The following CCDC171 variants were observed in gnomAD, a reference collection of about 807,000 sequenced individuals.
CCDC171 encodes coiled-coil domain containing 171.
A neutral mutation model predicts 168.2 loss-of-function variants in CCDC171; 177 were observed. The observed-to-expected ratio is 1.05, with a 90% CI of 0.93 to 1.19. CCDC171 has a LOEUF of 1.19. Ranked by LOEUF, CCDC171 falls within the 50% of genes most tolerant of loss-of-function variation. The probability of loss-of-function intolerance (pLI) is 0.00; values close to 1 mark genes in which losing one functional copy is unlikely to be tolerated. For synonymous variants in CCDC171, 687 were observed against 540.8 expected (o/e 1.27, Z -3.75); for missense variants, 1,991 against 1,539.0 (o/e 1.29, Z -4.91).
At chr9:16,027,330 G>T (rs1364751587) in intron 6 of CCDC171, among the ~76,000 whole-genome samples, 1 of 152,030 alleles carries the variant, frequency 6.6e-6, no homozygotes, top group East Asian at 1.9e-4. Flanking sequence ...GAAAGAGACT[G>T]ACTGACTGAA....
rs199698512 is a variant in CCDC171, at chr9:15,788,962, A to AATAAATGCACTGCATTTATTGC, written c.3267+4279_3267+4300dup. On this transcript the variant is annotated intron_variant, in intron 21 of 25. Coordinates refer to ENST00000380701, the MANE Select transcript of CCDC171 (RefSeq NM_173550.4). The stretch of plus-strand genomic sequence containing the variant: ...AAATCTTGGATTAGACATTCCCTGC[A>AATAAATGCACTGCATTTATTGC]ATAAATGCACTGCATTTATTGCATA... Among the ~76,000 whole-genome samples the AATAAATGCACTGCATTTATTGC allele has an allele frequency of 1.6e-3, 246 of 152,256 alleles. 1 individual carries two copies. The highest frequency in any genetic ancestry group is 3.4e-3 in the Middle Eastern group (1 of 294).
chr9:16,004,050 TC>T (rs1832631002), intron 3 of CCDC171, among the ~76,000 whole-genome samples: 2 of 152,048 alleles, frequency 1.3e-5, no homozygotes, highest in African/African-American at 4.8e-5. Context: ...AGAAATCAAT[TC>T]AACACTAATG....
chr9:15,558,895 C>G (rs2039036718), intron 1 of CCDC171, among the ~76,000 whole-genome samples: 1 of 152,164 alleles, frequency 6.6e-6, no homozygotes, highest in African/African-American at 2.4e-5. Flanking sequence ...CCTCTACACA[C>G]TGCTTTGAAT....
chr9:15,639,025 A>G (rs1385520203), intron 7 of CCDC171, among the ~76,000 whole-genome samples: 6 of 152,184 alleles, frequency 3.9e-5, no homozygotes, highest in Non-Finnish European at 8.8e-5. Flanking sequence ...TAAATTCTGA[A>G]TTGCTTCTGT....
chr9:15,655,458 C>T (rs556020101), intron 7 of CCDC171, among the ~76,000 whole-genome samples: 12 of 152,142 alleles, frequency 7.9e-5, no homozygotes, highest in Non-Finnish European at 1.5e-4. Flanking sequence ...TCCGCTACTT[C>T]CCAGGGGTGC....
the CCDC171 span, among the ~76,000 whole-genome samples, chr9:16,079,813 A>T: frequency 6.6e-6 from 1 of 152,214 alleles, no homozygotes; most frequent in Admixed American, 6.5e-5. Flanking sequence ...AGACTTACAC[A>T]ATGCTTACAA....
Position 15,728,001 on chromosome 9 carries a change from G to C in CCDC171, c.1825G>C (p.Ala609Pro), listed in dbSNP as rs762461230. 1 of 1,612,892 alleles carries C rather than the reference G, an allele frequency of 6.2e-7. No individual in the cohort carries two copies. Among genetic ancestry groups the C allele is most frequent in the East Asian group, 2.2e-5 (1 of 44,852 alleles). The change falls in exon 15 of 26, where the codon GCC (alanine) becomes CCC (proline). Residue 609 changes from alanine (A) to proline (P), a missense_variant. Coordinates refer to ENST00000380701, the MANE Select transcript of CCDC171 (RefSeq NM_173550.4). Reference protein sequence around the residue: ...LCAVLQENVDALIADLNRANE... With the variant: ...LCAVLQENVDPLIADLNRANE... ...TGCAGTCTTACAGGAGAATGTTGAT[G>C]CCCTGATTGCAGACCTCAACAGGGC...
chr9:15,769,948 T>C (rs2056926626), intron 18 of CCDC171, among the ~76,000 whole-genome samples: 1 of 152,200 alleles, frequency 6.6e-6, no homozygotes, highest in African/African-American at 2.4e-5. Context: ...TCATAGTTCT[T>C]TCCTTTCCAA....
chr9:16,078,362 G>T, the CCDC171 span, among the ~76,000 whole-genome samples: 692 of 152,252 alleles, frequency 4.5e-3, 4 homozygotes, highest in African/African-American at 0.016. Flanking sequence ...GACAAGCAGG[G>T]AAACAGCATT....
intron 23 of CCDC171, among the ~76,000 whole-genome samples, chr9:15,859,234 A>C (rs1484257399): frequency 6.6e-6 from 1 of 152,034 alleles, no homozygotes; most frequent in African/African-American, 2.4e-5. Flanking sequence ...CCAGGGATAA[A>C]TCCCACTTTG....
chr9:15,867,902 TCTATAGTATATAGC>T (rs2061858745), intron 23 of CCDC171, among the ~76,000 whole-genome samples: 1 of 152,076 alleles, frequency 6.6e-6, no homozygotes, highest in Non-Finnish European at 1.5e-5. Flanking sequence ...TGAGGTGCAT[TCTATAGTATATAGC>T]CTATGCTACA....
intron 23 of CCDC171, among the ~76,000 whole-genome samples, chr9:15,868,249 C>T (rs770387599): frequency 4.1e-4 from 63 of 152,130 alleles, no homozygotes; most frequent in Middle Eastern, 3.4e-3. Context: ...GCTTACCTCC[C>T]ACTTTTCAAA....
intron 8 of CCDC171, among the ~76,000 whole-genome samples, chr9:15,659,945 G>T (rs546294221): frequency 1.3e-5 from 2 of 152,026 alleles, no homozygotes; most frequent in African/African-American, 2.4e-5. Context: ...TACATCAAAG[G>T]CTACTTATAT....
intron 25 of CCDC171, among the ~76,000 whole-genome samples, chr9:15,929,596 C>A (rs969521009): frequency 6.6e-6 from 1 of 151,796 alleles, no homozygotes; most frequent in Non-Finnish European, 1.5e-5. Flanking sequence ...CTTACTGTTT[C>A]TACCACCACA....
intron 16 of CCDC171, among the ~76,000 whole-genome samples, chr9:15,733,969 C>G (rs546257703): frequency 6.6e-6 from 1 of 152,162 alleles, no homozygotes; most frequent in South Asian, 2.1e-4. Context: ...GAGATGAGGT[C>G]TCACTATGTT....
At chr9:15,944,870 TTC>T (rs1828150942) in intron 25 of CCDC171, among the ~76,000 whole-genome samples, 1 of 151,314 alleles carries the variant, frequency 6.6e-6, no homozygotes, top group African/African-American at 2.4e-5. Flanking sequence ...CTTTCTTTCT[TTC>T]TTTCTTTCTT....
chr9:15,653,395 G>C lies in CCDC171; in HGVS notation c.823-3732G>C, dbSNP rs114698315. 6.8e-3 allele frequency among the ~76,000 whole-genome samples: 1,037 copies of C among 152,166 alleles called. 7 individuals are homozygous for C. Among genetic ancestry groups the C allele is most frequent in the African/African-American group, 0.024 (1,004 of 41,516 alleles). ...GGGCTCAAGTGATCTCCCTGAGTTG[G>C]CCTTCTGAAGTGTGGGGATTACAAG... On this transcript the variant is annotated intron_variant, in intron 7 of 25. Coordinates refer to ENST00000380701, the MANE Select transcript of CCDC171 (RefSeq NM_173550.4).
the CCDC171 span, among the ~76,000 whole-genome samples, chr9:16,104,478 A>C: frequency 6.6e-6 from 1 of 152,106 alleles, no homozygotes. Context: ...GCTGCTGGCC[A>C]AGTAATTCAT....
intron 24 of CCDC171, among the ~76,000 whole-genome samples, chr9:15,903,199 G>C (rs944567828): frequency 1.3e-5 from 2 of 152,152 alleles, no homozygotes; most frequent in African/African-American, 4.8e-5. Flanking sequence ...CTCCCAGCAC[G>C]GAGTTTGAGA....
Sources: gnomAD v4.1 joint callset for allele counts (sites outside exome capture counted in the v4.1 genomes callset) on GRCh38, gnomAD v4.1.1 for gene constraint, MANE v1.5 for transcripts, NCBI Gene and HGNC (gene_info 2026-07-23, HGNC 2026-07-21) for gene names.